The following KCNT2 variants were observed in gnomAD, a reference collection of about 807,000 sequenced individuals.
The protein encoded by KCNT2 is potassium sodium-activated channel subfamily T member 2.
A neutral mutation model predicts 153.8 loss-of-function variants in KCNT2; 67 were observed. The observed-to-expected ratio is 0.44, with a 90% CI of 0.36 to 0.53. KCNT2 has a LOEUF of 0.53. KCNT2 is among the 20% of genes least tolerant of loss of function. The pLI, the probability that KCNT2 is intolerant of heterozygous loss-of-function variation, is 0.00. For missense variants in KCNT2, 975 were observed against 1,354.8 expected, an observed-to-expected ratio of 0.72 and a Z score of 4.40; for synonymous variants, 500 against 458.8, an observed-to-expected ratio of 1.09 and a Z score of -1.15.
At chr1:196,357,687 G>T (rs1224240677) in intron 14 of KCNT2, among the ~76,000 whole-genome samples, 1 of 151,872 alleles carries the variant, frequency 6.6e-6, no homozygotes, top group Non-Finnish European at 1.5e-5. Context: ...ATGGCTAGTA[G>T]AGGTAGTATT....
chr1:196,255,563 C>T (rs573587037), intron 26 of KCNT2, among the ~76,000 whole-genome samples: 4 of 151,756 alleles, frequency 2.6e-5, no homozygotes, highest in South Asian at 2.1e-4. Context: ...GAGCATATAA[C>T]GCATAATGTG....
chr1:196,598,036 G>A (rs986939874), intron 1 of KCNT2, among the ~76,000 whole-genome samples: 3 of 152,066 alleles, frequency 2.0e-5, no homozygotes, highest in African/African-American at 7.2e-5. Context: ...AAGTCTTACT[G>A]AGAAAAATAT....
chr1:196,378,295 T>C (rs1420128730), intron 13 of KCNT2, among the ~76,000 whole-genome samples: 1 of 152,174 alleles, frequency 6.6e-6, no homozygotes, highest in African/African-American at 2.4e-5. Context: ...TACTATTGTG[T>C]ATCTGTATGG....
chr1:196,400,788 T>TA (rs1362661469), intron 12 of KCNT2, among the ~76,000 whole-genome samples: 2 of 151,684 alleles, frequency 1.3e-5, no homozygotes, highest in African/African-American at 4.8e-5. Flanking sequence ...TGACAACTAT[T>TA]AAAAAATCTA....
At chr1:196,480,549 A>C (rs986691857) in intron 4 of KCNT2, among the ~76,000 whole-genome samples, 2 of 152,090 alleles carry the variant, frequency 1.3e-5, no homozygotes, top group Admixed American at 6.6e-5. Context: ...CATTTTACTC[A>C]AAGTGCTATT....
chr1:196,438,725 A>T (rs1037687919), intron 8 of KCNT2, among the ~76,000 whole-genome samples: 1 of 151,868 alleles, frequency 6.6e-6, no homozygotes, highest in Non-Finnish European at 1.5e-5. Context: ...AGATTAATTG[A>T]ATAAAAGGAT....
At chr1:196,511,116 AACACACACACACACACACAC>A (rs35177032) in intron 1 of KCNT2, among the ~76,000 whole-genome samples, 2 of 146,468 alleles carry the variant, frequency 1.4e-5, no homozygotes, top group Non-Finnish European at 3.0e-5. Flanking sequence ...AAACACACAC[AACACACACACACACACACAC>A]ACACACACAC....
chr1:196,277,974 G>A (rs1213553572), intron 25 of KCNT2, among the ~76,000 whole-genome samples: 1 of 151,874 alleles, frequency 6.6e-6, no homozygotes, highest in Non-Finnish European at 1.5e-5. Context: ...GCACTTTAAT[G>A]GTATTTTTTT....
intron 26 of KCNT2, among the ~76,000 whole-genome samples, chr1:196,238,958 C>T (rs193201322): frequency 1.3e-5 from 2 of 151,944 alleles, no homozygotes; most frequent in East Asian, 3.9e-4. Flanking sequence ...CAGTCATTCT[C>T]TATGGTTGTT....
chr1:196,311,103 T>C (rs1662133936), intron 21 of KCNT2, among the ~76,000 whole-genome samples: 1 of 151,866 alleles, frequency 6.6e-6, no homozygotes, highest in Non-Finnish European at 1.5e-5. Context: ...CCCTGACCCA[T>C]GGGACTAGAG....
At chr1:196,261,367 T>C (rs1398225388) in intron 25 of KCNT2, among the ~76,000 whole-genome samples, 1 of 151,940 alleles carries the variant, frequency 6.6e-6, no homozygotes, top group Non-Finnish European at 1.5e-5. Context: ...TGTCATTCTA[T>C]TATTACATTA....
At chr1:196,389,957 T>C (rs1386086001) in intron 13 of KCNT2, among the ~76,000 whole-genome samples, 1 of 151,588 alleles carries the variant, frequency 6.6e-6, no homozygotes, top group African/African-American at 2.4e-5. Flanking sequence ...TGAGAATTGT[T>C]CTGCTTATGA....
At chr1:196,524,662 T>C (rs1300464290) in intron 1 of KCNT2, among the ~76,000 whole-genome samples, 2 of 152,174 alleles carry the variant, frequency 1.3e-5, no homozygotes, top group African/African-American at 2.4e-5. Flanking sequence ...AAGATATATT[T>C]TGTGTTAAGG....
intron 14 of KCNT2, among the ~76,000 whole-genome samples, chr1:196,365,270 A>G (rs1177233153): frequency 6.6e-6 from 1 of 152,024 alleles, no homozygotes; most frequent in African/African-American, 2.4e-5. Flanking sequence ...AATTTGTCTT[A>G]TTTAAGGCCT....
At chr1:196,251,699 GACT>G (rs1282094739) in intron 26 of KCNT2, among the ~76,000 whole-genome samples, 1 of 151,890 alleles carries the variant, frequency 6.6e-6, no homozygotes, top group Admixed American at 6.6e-5. Context: ...AAAACATGGT[GACT>G]ACAGTCAATA....
chr1:196,485,751 T>A (rs895742185), intron 3 of KCNT2, among the ~76,000 whole-genome samples: 1 of 151,694 alleles, frequency 6.6e-6, no homozygotes, highest in Non-Finnish European at 1.5e-5. Context: ...TAGAAGGAAA[T>A]GTATATATTT....
chr1:196,371,798 CA>C (rs1208535784), intron 14 of KCNT2, among the ~76,000 whole-genome samples: 2 of 151,934 alleles, frequency 1.3e-5, no homozygotes, highest in Admixed American at 6.6e-5. Flanking sequence ...AGGAGATGCA[CA>C]ACGAAATTTA....
chr1:196,501,992 G>T (rs976523627), intron 1 of KCNT2, among the ~76,000 whole-genome samples: 1 of 152,052 alleles, frequency 6.6e-6, no homozygotes, highest in Non-Finnish European at 1.5e-5. Flanking sequence ...GGCGGCGGGT[G>T]CCTGTAGTCC....
intron 7 of KCNT2, among the ~76,000 whole-genome samples, chr1:196,465,665 T>C (rs1677548958): frequency 1.3e-5 from 2 of 151,856 alleles, no homozygotes; most frequent in Non-Finnish European, 2.9e-5. Flanking sequence ...TGAACAGGTG[T>C]TGCACTTACT....
Sources: gnomAD v4.1 joint callset for allele counts (sites outside exome capture counted in the v4.1 genomes callset) on GRCh38, gnomAD v4.1.1 for gene constraint, MANE v1.5 for transcripts, NCBI Gene and HGNC (gene_info 2026-07-23, HGNC 2026-07-21) for gene names.